The following CCBE1 variants were observed in gnomAD, a reference collection of about 807,000 sequenced individuals.
The protein encoded by CCBE1 is collagen and calcium binding EGF domains 1.
A neutral mutation model predicts 50.0 loss-of-function variants in CCBE1; 37 were observed. The ratio of observed to expected loss-of-function variants is 0.74; its 90% confidence interval spans 0.57 to 0.97. The LOEUF (loss-of-function observed/expected upper bound fraction) is 0.97. Among genes scored for constraint, CCBE1 ranks in the 50% least tolerant of loss-of-function variants. The probability of loss-of-function intolerance (pLI) is 0.00; values close to 1 mark genes in which losing one functional copy is unlikely to be tolerated. For missense variants in CCBE1, 538 were observed against 523.8 expected (o/e 1.03, Z -0.26); for synonymous variants, 234 against 203.7 (o/e 1.15, Z -1.27).
chr18:59,640,012 A>G (rs2053965229), intron 2 of CCBE1, among the ~76,000 whole-genome samples: 1 of 152,236 alleles, frequency 6.6e-6, no homozygotes, highest in African/African-American at 2.4e-5. Flanking sequence ...ATGGAAAAAC[A>G]TTCCATGCTC....
At chr18:59,474,817 TA>T (rs1278756612) in intron 3 of CCBE1, among the ~76,000 whole-genome samples, 1 of 152,228 alleles carries the variant, frequency 6.6e-6, no homozygotes, top group Admixed American at 6.5e-5. Flanking sequence ...TGTTACTGAT[TA>T]CTGTTTGTTT....
chr18:59,621,153 C>A (rs2053705180), intron 2 of CCBE1, among the ~76,000 whole-genome samples: 1 of 152,192 alleles, frequency 6.6e-6, no homozygotes, highest in African/African-American at 2.4e-5. Flanking sequence ...GGCCCCAGGG[C>A]TTCCAGGAAA....
chr18:59,578,317 G>A (rs2053030512), intron 2 of CCBE1, among the ~76,000 whole-genome samples: 1 of 152,174 alleles, frequency 6.6e-6, no homozygotes, highest in Non-Finnish European at 1.5e-5. Context: ...GAGAGGATGT[G>A]GAGAAATAGA....
intron 2 of CCBE1, among the ~76,000 whole-genome samples, chr18:59,658,564 C>T (rs2144683015): frequency 6.9e-6 from 1 of 144,754 alleles, no homozygotes; most frequent in South Asian, 2.2e-4. Flanking sequence ...CAAGGCCCTA[C>T]CTCTAAAAAT....
intron 2 of CCBE1, among the ~76,000 whole-genome samples, chr18:59,640,410 G>T (rs557558474): frequency 6.6e-6 from 1 of 152,270 alleles, no homozygotes; most frequent in South Asian, 2.1e-4. Flanking sequence ...AAATGGTCCT[G>T]GGATAGCTGG....
At chr18:59,557,094 C>G (rs1299028833) in intron 2 of CCBE1, among the ~76,000 whole-genome samples, 1 of 152,182 alleles carries the variant, frequency 6.6e-6, no homozygotes, top group African/African-American at 2.4e-5. Flanking sequence ...ATCCCTCTAA[C>G]TCCCACTGAG....
intron 10 of CCBE1, among the ~76,000 whole-genome samples, chr18:59,437,073 A>AAG (rs1910191378): frequency 6.6e-6 from 1 of 152,216 alleles, no homozygotes; most frequent in Non-Finnish European, 1.5e-5. Context: ...GGATGTTGTA[A>AAG]AGACGTCAAC....
intron 3 of CCBE1, 130 bp downstream of exon 3, chr18:59,480,056 A>G (rs1160105806): frequency 2.9e-6 from 2 of 695,254 alleles, no homozygotes; most frequent in Admixed American, 2.9e-5. Context: ...GATGCCAAAA[A>G]ATATACACAG....
At chr18:59,522,124 TTC>T (rs1914626797) in intron 2 of CCBE1, among the ~76,000 whole-genome samples, 1 of 67,480 alleles carries the variant, frequency 1.5e-5, no homozygotes, top group African/African-American at 4.1e-5. Context: ...GGCTTAACTT[TTC>T]TTTTTTTTTT....
intron 2 of CCBE1, among the ~76,000 whole-genome samples, chr18:59,548,495 A>G (rs1915794356): frequency 6.6e-6 from 1 of 152,180 alleles, no homozygotes; most frequent in Non-Finnish European, 1.5e-5. Flanking sequence ...AGCAACTTAA[A>G]TTTCCTGTGA....
At chr18:59,572,509 C>A (rs1244125302) in intron 2 of CCBE1, among the ~76,000 whole-genome samples, 3 of 152,144 alleles carry the variant, frequency 2.0e-5, no homozygotes, top group Non-Finnish European at 4.4e-5. Flanking sequence ...TGAAATACTT[C>A]AAGAAAATCA....
chr18:59,632,003 T>C (rs1599082220), intron 2 of CCBE1, among the ~76,000 whole-genome samples: 1 of 152,226 alleles, frequency 6.6e-6, no homozygotes, highest in East Asian at 1.9e-4. Context: ...ACAGATGTCC[T>C]TAAGAATTAA....
intron 2 of CCBE1, among the ~76,000 whole-genome samples, chr18:59,518,062 TGAGA>T (rs981771079): frequency 2.8e-4 from 38 of 135,354 alleles, no homozygotes; most frequent in African/African-American, 1.2e-3. Flanking sequence ...GTGAGTGTCC[TGAGA>T]AAGAAGGAGA....
At position 59,696,715 on chromosome 18, in the gene CCBE1, A is replaced by C; in HGVS notation, c.132-6T>G. 1 of 1,613,670 alleles carries C rather than the reference A, an allele frequency of 6.2e-7. No individual in the cohort carries two copies. Among genetic ancestry groups the C allele is most frequent in the Non-Finnish European group, 8.5e-7 (1 of 1,179,756 alleles). On this transcript the variant is annotated splice_polypyrimidine_tract_variant and splice_region_variant and intron_variant, in intron 1 of 10. Coordinates refer to ENST00000439986, the MANE Select transcript of CCBE1 (RefSeq NM_133459.4). Reference sequence around the variant, plus strand: ...TGCTCTCTGAGCAGATTTCTCTATGAAAAAGTGCAGAGGAAATGTTCGATT... The same window carrying C: ...TGCTCTCTGAGCAGATTTCTCTATGCAAAAGTGCAGAGGAAATGTTCGATT...
chr18:59,449,652 C>T lies in CCBE1; in HGVS notation c.655-1549G>A, dbSNP rs530929767. Among the ~76,000 whole-genome samples the T allele has an allele frequency of 3.3e-5, 5 of 151,390 alleles. No homozygotes were observed. In the South Asian group the frequency reaches 8.4e-4, roughly 25 times the overall value. On this transcript the variant is annotated intron_variant, in intron 6 of 10. Coordinates refer to ENST00000439986, the MANE Select transcript of CCBE1 (RefSeq NM_133459.4). ...AAAAAAAAAAAAAAAGAAATGCTGT[C>T]TGGGGGCTGCTCCTGACTTTGTTCC...
intron 2 of CCBE1, among the ~76,000 whole-genome samples, chr18:59,654,991 G>A (rs922167833): frequency 6.6e-6 from 1 of 151,288 alleles, no homozygotes. Context: ...GAAGGCTGAG[G>A]CAGGACAATC....
intron 2 of CCBE1, among the ~76,000 whole-genome samples, chr18:59,540,786 G>C (rs897874558): frequency 6.6e-6 from 1 of 152,152 alleles, no homozygotes; most frequent in African/African-American, 2.4e-5. Flanking sequence ...GCAGAGTTAA[G>C]TACTCATAAC....
intron 2 of CCBE1, among the ~76,000 whole-genome samples, chr18:59,667,033 G>A (rs949518682): frequency 3.9e-5 from 6 of 152,170 alleles, no homozygotes; most frequent in African/African-American, 1.4e-4. Flanking sequence ...CAGTGCTTTG[G>A]GAGCCCAAGG....
chr18:59,533,400 A>C (rs1047519662), intron 2 of CCBE1, among the ~76,000 whole-genome samples: 1 of 152,202 alleles, frequency 6.6e-6, no homozygotes, highest in African/African-American at 2.4e-5. Context: ...ATTCTCCCAT[A>C]AAAGGCCAGT....
Sources: allele counts gnomAD v4.1 joint callset (sites outside exome capture counted in the v4.1 genomes callset), GRCh38; gene constraint gnomAD v4.1.1; transcripts MANE v1.5; gene names NCBI Gene and HGNC (gene_info 2026-07-23, HGNC 2026-07-21).